PIK3CB: variants seen among roughly 807,000 people sequenced by gnomAD.
The protein encoded by PIK3CB is phosphatidylinositol 4,5-bisphosphate 3-kinase catalytic subunit beta isoform.
PIK3CB carries 39 observed loss-of-function variants against 136.8 expected under a neutral mutation model. The ratio of observed to expected loss-of-function variants is 0.29; its 90% confidence interval spans 0.22 to 0.37. The LOEUF is 0.37. PIK3CB is among the 10% of genes least tolerant of loss of function. The pLI is 1.00. For synonymous variants in PIK3CB, 428 were observed against 436.6 expected, an observed-to-expected ratio of 0.98 and a Z score of 0.25; for missense variants, 868 against 1,275.4, an observed-to-expected ratio of 0.68 and a Z score of 4.87.
intron 1 of PIK3CB, among the ~76,000 whole-genome samples, chr3:138,798,722 A>G (rs1264092640): frequency 6.6e-6 from 1 of 152,188 alleles, no homozygotes; most frequent in African/African-American, 2.4e-5. Context: ...AAATACTATC[A>G]ACACAAACAC....
chr3:138,827,443 C>T (rs537919735), intron 1 of PIK3CB, among the ~76,000 whole-genome samples: 65 of 151,620 alleles, frequency 4.3e-4, no homozygotes, highest in African/African-American at 1.5e-3. Flanking sequence ...TGGCTTGAGG[C>T]CAAGAGCATG....
intron 2 of PIK3CB, among the ~76,000 whole-genome samples, chr3:138,773,528 A>T (rs2108769674): frequency 6.6e-6 from 1 of 152,360 alleles, no homozygotes; most frequent in Non-Finnish European, 1.5e-5. Context: ...TAAAAGTCAT[A>T]TCACTCTATT....
intron 1 of PIK3CB, chr3:138,824,957 T>C (rs113118656): frequency 0.063 from 11,371 of 181,102 alleles, 1,392 homozygotes; most frequent in African/African-American, 0.25. Flanking sequence ...CCCAGCTACT[T>C]GGGAGGCTGG....
chr3:138,759,467 C>A, intron 2 of PIK3CB, 108 bp from the exon 3 acceptor site: 3 of 640,174 alleles, frequency 4.7e-6, no homozygotes, highest in South Asian at 6.2e-5. Context: ...TCAATATAGC[C>A]AATAATGTAA....
At chr3:138,747,472 G>C (rs1174935597) in intron 4 of PIK3CB, among the ~76,000 whole-genome samples, 3 of 152,026 alleles carry the variant, frequency 2.0e-5, no homozygotes, top group Non-Finnish European at 2.9e-5. Context: ...CACCACAATA[G>C]CAACAGGAGG....
intron 2 of PIK3CB, among the ~76,000 whole-genome samples, chr3:138,784,246 T>C (rs1342989248): frequency 6.6e-6 from 1 of 152,060 alleles, no homozygotes; most frequent in Non-Finnish European, 1.5e-5. Context: ...ATTAGCTGGG[T>C]GCAGTGGCAT....
intron 19 of PIK3CB, among the ~76,000 whole-genome samples, chr3:138,679,156 T>C (rs2043710013): frequency 6.6e-6 from 1 of 152,054 alleles, no homozygotes; most frequent in African/African-American, 2.4e-5. Flanking sequence ...CAATGACAAA[T>C]GTCAATTATA....
chr3:138,751,416 C>T (rs2045469741), intron 4 of PIK3CB, among the ~76,000 whole-genome samples: 1 of 151,700 alleles, frequency 6.6e-6, no homozygotes, highest in Non-Finnish European at 1.5e-5. Flanking sequence ...CGAGATGGCG[C>T]CACTGCACTC....
intron 7 of PIK3CB, among the ~76,000 whole-genome samples, chr3:138,734,327 A>T (rs945609880): frequency 2.0e-4 from 30 of 152,198 alleles, no homozygotes; most frequent in African/African-American, 7.2e-4. Flanking sequence ...TAACTTTTCT[A>T]CTAGGATGTC....
At chr3:138,713,620 G>A (rs536361585) in intron 9 of PIK3CB, among the ~76,000 whole-genome samples, 38 of 152,226 alleles carry the variant, frequency 2.5e-4, no homozygotes, top group African/African-American at 8.9e-4. Flanking sequence ...GCAGTGAGCC[G>A]AGATCGTGCC....
chr3:138,760,758 T>C (rs920370388), intron 2 of PIK3CB, among the ~76,000 whole-genome samples: 1 of 151,804 alleles, frequency 6.6e-6, no homozygotes. Flanking sequence ...ATACAAAAAA[T>C]TGGCCAGGCG....
At chr3:138,690,160 T>G (rs2043976975) in intron 15 of PIK3CB, among the ~76,000 whole-genome samples, 1 of 151,408 alleles carries the variant, frequency 6.6e-6, no homozygotes, top group African/African-American at 2.4e-5. Flanking sequence ...AAAACCATAT[T>G]CAGAAATAAA....
chr3:138,735,956 A>T (rs2045093740), intron 6 of PIK3CB, among the ~76,000 whole-genome samples: 1 of 152,088 alleles, frequency 6.6e-6, no homozygotes, highest in African/African-American at 2.4e-5. Flanking sequence ...TACACTGTAT[A>T]TTCTCTCTCT....
At chr3:138,724,152 T>G (rs921278743) in intron 8 of PIK3CB, among the ~76,000 whole-genome samples, 1 of 152,136 alleles carries the variant, frequency 6.6e-6, no homozygotes, top group Non-Finnish European at 1.5e-5. Flanking sequence ...ATTGCAAATC[T>G]CAGGTTATTA....
intron 7 of PIK3CB, among the ~76,000 whole-genome samples, chr3:138,734,369 T>G (rs1431913590): frequency 6.6e-6 from 1 of 152,192 alleles, no homozygotes; most frequent in African/African-American, 2.4e-5. Context: ...TATATTTAAA[T>G]CAAAATCTCT....
chr3:138,796,740 T>C (rs908907747), intron 1 of PIK3CB, 173 bp from the exon 2 acceptor site: 2 of 152,176 alleles, frequency 1.3e-5, no homozygotes, highest in Admixed American at 6.6e-5. Flanking sequence ...CATTTTCTTA[T>C]TGGATTGGCT....
intron 1 of PIK3CB, among the ~76,000 whole-genome samples, chr3:138,827,751 G>A (rs1305305066): frequency 4.0e-5 from 6 of 151,560 alleles, no homozygotes; most frequent in Non-Finnish European, 8.8e-5. Context: ...AGGCCGAGGC[G>A]GGCGGATCAC....
intron 19 of PIK3CB, among the ~76,000 whole-genome samples, chr3:138,672,154 T>C (rs1250374260): frequency 3.3e-5 from 5 of 152,156 alleles, no homozygotes; most frequent in African/African-American, 9.7e-5. Context: ...AACCTCATCA[T>C]ATCCCACACT....
intron 2 of PIK3CB, among the ~76,000 whole-genome samples, chr3:138,782,744 G>A (rs1207931666): frequency 6.6e-6 from 1 of 152,226 alleles, no homozygotes; most frequent in Non-Finnish European, 1.5e-5. Flanking sequence ...TAGTGGAATA[G>A]AGGATGACAG....
Sources: gnomAD v4.1 joint callset for allele counts (sites outside exome capture counted in the v4.1 genomes callset) on GRCh38, gnomAD v4.1.1 for gene constraint, MANE v1.5 for transcripts, NCBI Gene and HGNC (gene_info 2026-07-23, HGNC 2026-07-21) for gene names.